The following PRKD3 variants were observed in gnomAD, a reference collection of about 807,000 sequenced individuals.
PRKD3 encodes the protein serine/threonine-protein kinase D3.
A neutral mutation model predicts 99.2 loss-of-function variants in PRKD3; 47 were observed. The ratio of observed to expected loss-of-function variants is 0.47; its 90% CI spans 0.38 to 0.60. PRKD3 has a LOEUF of 0.60. Ranked by LOEUF, PRKD3 falls within the 20% of genes least tolerant of loss-of-function variation. The probability of loss-of-function intolerance (pLI) is 0.00; values close to 1 mark genes in which losing one functional copy is unlikely to be tolerated. For synonymous variants in PRKD3, 392 were observed against 355.4 expected, an observed-to-expected ratio of 1.10 and a Z score of -1.16; for missense variants, 1,019 against 1,088.4, an observed-to-expected ratio of 0.94 and a Z score of 0.90.
intron 2 of PRKD3, among the ~76,000 whole-genome samples, chr2:37,306,600 A>G (rs1265810883): frequency 6.6e-6 from 1 of 152,150 alleles, no homozygotes; most frequent in East Asian, 1.9e-4. Flanking sequence ...CTTGAGCCCG[A>G]GAGTTCAAGA....
chr2:37,290,393 C>T (rs1288173468), intron 4 of PRKD3, among the ~76,000 whole-genome samples: 6 of 152,116 alleles, frequency 3.9e-5, no homozygotes, highest in Admixed American at 1.3e-4. Context: ...CCACCACGCC[C>T]GGCTAAGTTT....
chr2:37,256,453 T>A (rs1667945004), intron 17 of PRKD3, among the ~76,000 whole-genome samples: 3 of 152,114 alleles, frequency 2.0e-5, no homozygotes, highest in Admixed American at 2.0e-4. Context: ...ATGTAAGTGC[T>A]ATGCCTGGGA....
intron 6 of PRKD3, among the ~76,000 whole-genome samples, chr2:37,285,430 T>G (rs1418645198): frequency 6.6e-6 from 1 of 152,200 alleles, no homozygotes; most frequent in Non-Finnish European, 1.5e-5. Flanking sequence ...TGGGTCCCTA[T>G]CATAATTTTA....
rs190028482 is a variant in PRKD3, at chr2:37,322,246, T to C, written c.-656+2435A>G. 4.1e-4 allele frequency among the ~76,000 whole-genome samples: 62 copies of C among 152,348 alleles called. No individual in the cohort carries two copies. In the South Asian group the frequency reaches 9.9e-3, roughly 24 times the overall value. ...TAATTGTTCTTGCTTTTATATTGTATGTTGTATTTAAAAACTCAAGTGTCT... is the reference window on the plus strand; with the variant it reads ...TAATTGTTCTTGCTTTTATATTGTACGTTGTATTTAAAAACTCAAGTGTCT... On this transcript the variant is annotated intron_variant, in intron 1 of 18. Coordinates refer to ENST00000234179, the MANE Select transcript of PRKD3 (RefSeq NM_005813.6).
chr2:37,274,590 T>C lies in PRKD3; in HGVS notation c.1482A>G (p.Val494=), dbSNP rs1484187082. The change falls in exon 11 of 19, where the codon GTA becomes GTG. Residue 494 remains valine, a synonymous_variant. Transcript: ENST00000234179. ...HCFEIITDTM[V]YFVGENNGDS... is the part of the protein sequence containing the mutation. Reference sequence around the variant, plus strand: ...CCCCATTGTTCTCACCAACGAAGTATACCATAGTATCAGTAATGATTTCAA... The same window carrying C: ...CCCCATTGTTCTCACCAACGAAGTACACCATAGTATCAGTAATGATTTCAA... The C allele has an allele frequency of 4.3e-6, 7 of 1,614,120 alleles. No individual in the cohort carries two copies. The highest frequency in any genetic ancestry group is 3.3e-5 in the South Asian group (3 of 91,082).
Position 37,254,294 on chromosome 2 carries a change from G to A in PRKD3, c.2414-5C>T. ...GATTGTTTATCAGATCAATTGCTAA[G>A]GGAAAAGACAAAACAAGATACATGA... On this transcript the variant is annotated splice_region_variant and splice_polypyrimidine_tract_variant and intron_variant, in intron 17 of 18. Transcript: ENST00000234179. 1 of 1,609,644 alleles carries A rather than the reference G, an allele frequency of 6.2e-7. No individual in the cohort carries two copies. The highest frequency in any genetic ancestry group is 8.5e-7 in the Non-Finnish European group (1 of 1,176,070).
At chr2:37,293,096 G>A in intron 3 of PRKD3, 37 bp downstream of exon 3, 1 of 1,511,752 alleles carries the variant, frequency 6.6e-7, no homozygotes. Flanking sequence ...GCTCTTTGAG[G>A]GGAAAAGGCA....
In PRKD3 at chr2:37,267,366, A is replaced by G. The variant is rs567727492; in HGVS notation, c.1884+64T>C. The G allele has an allele frequency of 2.1e-3, 2,237 of 1,077,100 alleles. 5 individuals are homozygous for G. Among genetic ancestry groups the G allele is most frequent in the Non-Finnish European group, 2.7e-3 (2,001 of 750,042 alleles). 66.7% of individuals were successfully genotyped at this position (1,077,100 alleles called of 1,614,324 possible). A position where few individuals can be genotyped will look rare whatever the true frequency, so the allele number is the denominator to read the frequency against. On this transcript the variant is annotated intron_variant, in intron 14 of 18. Transcript: ENST00000234179. ...CTTCTTAAAAAAAAAAAAAAAAGAG[A>G]AGCAGTTAATTCAGATTCTTACCAG...
intron 14 of PRKD3, among the ~76,000 whole-genome samples, chr2:37,265,577 AGATTCAAACTCT>A (rs1668782446): frequency 6.6e-6 from 1 of 152,212 alleles, no homozygotes; most frequent in Admixed American, 6.5e-5. Flanking sequence ...AGACAGACTT[AGATTCAAACTCT>A]GAATCTGCCT....
At chr2:37,306,341 G>T (rs1297924590) in intron 2 of PRKD3, among the ~76,000 whole-genome samples, 1 of 152,122 alleles carries the variant, frequency 6.6e-6, no homozygotes, top group African/African-American at 2.4e-5. Flanking sequence ...AGTTCTTCGG[G>T]TTTAATCAGT....
At chr2:37,257,493 G>A (rs1265562302) in intron 16 of PRKD3, among the ~76,000 whole-genome samples, 1 of 151,800 alleles carries the variant, frequency 6.6e-6, no homozygotes, top group African/African-American at 2.4e-5. Flanking sequence ...GTGAAACCCC[G>A]TCTCTACTGA....
At chr2:37,273,210 AGTGT>A (rs1027031473) in intron 11 of PRKD3, among the ~76,000 whole-genome samples, 3 of 152,182 alleles carry the variant, frequency 2.0e-5, no homozygotes, top group East Asian at 1.9e-4. Flanking sequence ...TCTTTTAAAG[AGTGT>A]GTAAGTGCCT....
At chr2:37,261,571 G>A (rs989758655) in intron 14 of PRKD3, among the ~76,000 whole-genome samples, 3 of 151,778 alleles carry the variant, frequency 2.0e-5, no homozygotes, top group Admixed American at 1.3e-4. Flanking sequence ...ACCTGAGATC[G>A]GGAGTTCGAG....
At chr2:37,293,330 G>C in intron 2 of PRKD3, 59 bp from the exon 3 acceptor site, 1 of 1,409,492 alleles carries the variant, frequency 7.1e-7, no homozygotes, top group East Asian at 2.3e-5. Flanking sequence ...ATAAGTAAAC[G>C]TTTCAATTTT....
At chr2:37,261,577 T>C (rs1337836159) in intron 14 of PRKD3, among the ~76,000 whole-genome samples, 1 of 152,026 alleles carries the variant, frequency 6.6e-6, no homozygotes, top group Non-Finnish European at 1.5e-5. Flanking sequence ...GATCGGGAGT[T>C]CGAGACCAGC....
intron 16 of PRKD3, among the ~76,000 whole-genome samples, chr2:37,258,577 G>A (rs901326798): frequency 2.6e-5 from 4 of 152,242 alleles, no homozygotes; most frequent in Admixed American, 6.5e-5. Flanking sequence ...GTTACCAGTA[G>A]GAGTGTGCAT....
chr2:37,277,529 T>C (rs565088660), intron 9 of PRKD3, among the ~76,000 whole-genome samples: 75 of 152,224 alleles, frequency 4.9e-4, no homozygotes, highest in Non-Finnish European at 9.6e-4. Context: ...TTCCTATCTT[T>C]GGTAATAAGA....
In PRKD3 at chr2:37,316,653, CT is replaced by C; in HGVS notation, c.-130del. The C allele has an allele frequency of 1.4e-6, 2 of 1,458,990 alleles. No homozygotes were observed. The highest frequency in any genetic ancestry group is 2.5e-5 in the East Asian group (1 of 40,806). 90.4% of individuals were successfully genotyped at this position (1,458,990 alleles called of 1,614,324 possible). The stretch of plus-strand genomic sequence containing the variant: ...TTAGTTGAAAACTTCTTTATTTCCT[CT>C]GTTAAGCCACTCATGCCGATACTTT... On this transcript the variant is annotated 5_prime_UTR_variant, in exon 2 of 19. It introduces an in-frame stop codon into an upstream open reading frame of the 5' UTR. Coordinates refer to ENST00000234179, the MANE Select transcript of PRKD3 (RefSeq NM_005813.6).
At chr2:37,288,841 G>C (rs1244268835) in intron 5 of PRKD3, among the ~76,000 whole-genome samples, 1 of 152,042 alleles carries the variant, frequency 6.6e-6, no homozygotes, top group East Asian at 1.9e-4. Flanking sequence ...AGATCACGAG[G>C]TCAGGAATTC....
Sources: allele counts gnomAD v4.1 joint callset (sites outside exome capture counted in the v4.1 genomes callset), GRCh38; gene constraint gnomAD v4.1.1; transcripts MANE v1.5; gene names NCBI Gene and HGNC (gene_info 2026-07-23, HGNC 2026-07-21).